GPC6: variants seen among roughly 807,000 people sequenced by gnomAD.
The protein encoded by GPC6 is glypican-6.
Under a neutral mutation model 55.2 loss-of-function variants are expected in GPC6, and 14 were observed. The observed-to-expected ratio is 0.25, with a 90% CI of 0.17 to 0.40. The LOEUF is 0.40. Ranked by LOEUF, GPC6 falls within the 10% of genes least tolerant of loss-of-function variation. The pLI is 1.00. For synonymous variants in GPC6, 278 were observed against 259.6 expected, an observed-to-expected ratio of 1.07 and a Z score of -0.68; for missense variants, 641 against 708.5, an observed-to-expected ratio of 0.90 and a Z score of 1.08.
intron 3 of GPC6, among the ~76,000 whole-genome samples, chr13:93,939,750 A>G (rs1215506434): frequency 1.3e-5 from 2 of 152,156 alleles, no homozygotes; most frequent in Non-Finnish European, 2.9e-5. Context: ...GCACCTAACC[A>G]TAACACCAAC....
intron 6 of GPC6, among the ~76,000 whole-genome samples, chr13:94,336,681 C>T (rs745623118): frequency 3.3e-5 from 5 of 151,450 alleles, no homozygotes; most frequent in Non-Finnish European, 5.9e-5. Flanking sequence ...GCTTTCTCTG[C>T]AACAACAACA....
chr13:93,715,321 G>A (rs1883215073), intron 2 of GPC6, among the ~76,000 whole-genome samples: 2 of 151,700 alleles, frequency 1.3e-5, no homozygotes, highest in Admixed American at 1.3e-4. Context: ...AGTATGGATG[G>A]AGCTGAAGGC....
intron 4 of GPC6, among the ~76,000 whole-genome samples, chr13:94,222,054 G>T (rs1258756481): frequency 1.3e-5 from 2 of 151,616 alleles, no homozygotes; most frequent in East Asian, 3.9e-4. Flanking sequence ...CCCGATTCTA[G>T]TGGCTTAATC....
intron 4 of GPC6, among the ~76,000 whole-genome samples, chr13:94,153,605 T>C (rs1209315982): frequency 6.6e-6 from 1 of 152,160 alleles, no homozygotes; most frequent in African/African-American, 2.4e-5. Context: ...CATTTAAAAA[T>C]GTCATGTAGG....
At chr13:93,658,319 T>A (rs1880774080) in intron 2 of GPC6, among the ~76,000 whole-genome samples, 1 of 152,016 alleles carries the variant, frequency 6.6e-6, no homozygotes, top group Non-Finnish European at 1.5e-5. Context: ...CAAAATATTT[T>A]AAAATATATC....
intron 2 of GPC6, among the ~76,000 whole-genome samples, chr13:93,731,400 CAG>C (rs532326567): frequency 1.3e-5 from 2 of 152,094 alleles, no homozygotes; most frequent in South Asian, 4.1e-4. Flanking sequence ...TAGCCCTGAA[CAG>C]AGCACCTAGC....
intron 1 of GPC6, among the ~76,000 whole-genome samples, chr13:93,354,149 T>C (rs994383890): frequency 1.3e-5 from 2 of 152,124 alleles, no homozygotes; most frequent in African/African-American, 4.8e-5. Flanking sequence ...TTACCTCCCA[T>C]AGATTTAGGG....
chr13:93,242,412 G>A (rs1030869195), intron 1 of GPC6, among the ~76,000 whole-genome samples: 2 of 152,100 alleles, frequency 1.3e-5, no homozygotes, highest in African/African-American at 4.8e-5. Flanking sequence ...TTTGTGTAGA[G>A]AGGGAGCAGG....
chr13:93,859,385 T>G (rs1432180517), intron 3 of GPC6, among the ~76,000 whole-genome samples: 1 of 151,698 alleles, frequency 6.6e-6, no homozygotes, highest in African/African-American at 2.4e-5. Flanking sequence ...ATTTCTGAAA[T>G]GAATATAACT....
intron 3 of GPC6, among the ~76,000 whole-genome samples, chr13:93,834,137 A>T (rs919036510): frequency 6.6e-6 from 1 of 152,204 alleles, no homozygotes; most frequent in Non-Finnish European, 1.5e-5. Context: ...CTTCAATTTC[A>T]TCCGGATAAA....
intron 2 of GPC6, among the ~76,000 whole-genome samples, chr13:93,707,704 C>A (rs1168395012): frequency 6.6e-6 from 1 of 151,694 alleles, no homozygotes; most frequent in African/African-American, 2.4e-5. Flanking sequence ...TCTTTTATTT[C>A]TTATTTCTTG....
At chr13:93,735,532 A>G (rs1048083950) in intron 2 of GPC6, among the ~76,000 whole-genome samples, 2 of 151,914 alleles carry the variant, frequency 1.3e-5, no homozygotes, top group African/African-American at 4.8e-5. Flanking sequence ...AAAAAAAAAA[A>G]AAGAAGAAGA....
At chr13:94,190,349 C>A (rs1268614868) in intron 4 of GPC6, among the ~76,000 whole-genome samples, 1 of 151,954 alleles carries the variant, frequency 6.6e-6, no homozygotes, top group African/African-American at 2.4e-5. Flanking sequence ...TTACTTTTTC[C>A]TAGTGAAATG....
chr13:93,704,439 T>C (rs1304342011), intron 2 of GPC6, among the ~76,000 whole-genome samples: 1 of 151,932 alleles, frequency 6.6e-6, no homozygotes, highest in Non-Finnish European at 1.5e-5. Context: ...AGCAGGAATA[T>C]CTTTAATTTT....
chr13:93,938,715 G>T (rs948370482), intron 3 of GPC6, among the ~76,000 whole-genome samples: 21 of 152,228 alleles, frequency 1.4e-4, no homozygotes, highest in Admixed American at 2.6e-4. Context: ...CACCTTGAAA[G>T]AATTGGAACA....
chr13:93,412,080 G>A (rs1263237042), intron 1 of GPC6, among the ~76,000 whole-genome samples: 1 of 151,714 alleles, frequency 6.6e-6, no homozygotes, highest in Non-Finnish European at 1.5e-5. Flanking sequence ...CTACTGAAAC[G>A]TATCTGCATC....
the GPC6 span, among the ~76,000 whole-genome samples, chr13:93,219,614 A>G: frequency 6.6e-6 from 1 of 152,204 alleles, no homozygotes; most frequent in African/African-American, 2.4e-5. Context: ...TATCTATGGT[A>G]ATTTACAATA....
intron 4 of GPC6, among the ~76,000 whole-genome samples, chr13:94,227,065 T>C (rs1174158497): frequency 6.6e-6 from 1 of 152,154 alleles, no homozygotes; most frequent in African/African-American, 2.4e-5. Flanking sequence ...CCTCCAGAGA[T>C]TGTGTTAATT....
intron 4 of GPC6, among the ~76,000 whole-genome samples, chr13:94,217,124 G>A (rs1199353199): frequency 6.6e-6 from 1 of 152,152 alleles, no homozygotes; most frequent in African/African-American, 2.4e-5. Flanking sequence ...ATCTGAGTTT[G>A]AATTTTTCTA....
Sources: gnomAD v4.1 joint callset for allele counts (sites outside exome capture counted in the v4.1 genomes callset) on GRCh38, gnomAD v4.1.1 for gene constraint, MANE v1.5 for transcripts, NCBI Gene and HGNC (gene_info 2026-07-23, HGNC 2026-07-21) for gene names.